The following NARS2 variants were observed in gnomAD, a reference collection of about 807,000 sequenced individuals.
NARS2 encodes the protein asparaginyl-tRNA synthetase.
In NARS2, 60 loss-of-function variants were observed where a neutral mutation model predicts 62.9. That is an observed-to-expected ratio of 0.95 (90% CI 0.77 to 1.18). NARS2 has a LOEUF of 1.18. Ranked by LOEUF, NARS2 falls within the 50% of genes most tolerant of loss-of-function variation. The probability of loss-of-function intolerance (pLI) is 0.00; values close to 1 mark genes in which losing one functional copy is unlikely to be tolerated. For missense variants in NARS2, 619 were observed against 576.4 expected (o/e 1.07, Z -0.76); for synonymous variants, 196 against 200.0 (o/e 0.98, Z 0.17).
intron 7 of NARS2, among the ~76,000 whole-genome samples, chr11:78,487,354 T>TAA (rs764364438): frequency 2.5e-4 from 23 of 92,376 alleles, no homozygotes; most frequent in South Asian, 2.0e-3. Flanking sequence ...AGGCTCTGTC[T>TAA]AAAAAAAAAA....
intron 5 of NARS2, among the ~76,000 whole-genome samples, chr11:78,539,214 G>A (rs1855515615): frequency 1.3e-5 from 2 of 151,712 alleles, no homozygotes; most frequent in African/African-American, 4.9e-5. Flanking sequence ...AAGAGTAGAA[G>A]TAGGGGCACC....
At chr11:78,455,116 T>C (rs1391205274) in intron 11 of NARS2, among the ~76,000 whole-genome samples, 1 of 152,176 alleles carries the variant, frequency 6.6e-6, no homozygotes, top group Non-Finnish European at 1.5e-5. Flanking sequence ...ATTCTATATG[T>C]CAGGTTAATT....
chr11:78,492,841 T>C (rs1816175787), intron 7 of NARS2, among the ~76,000 whole-genome samples: 2 of 152,190 alleles, frequency 1.3e-5, no homozygotes, highest in African/African-American at 4.8e-5. Context: ...GTCAGGGAAC[T>C]TCATAGCAAA....
intron 6 of NARS2, among the ~76,000 whole-genome samples, chr11:78,521,737 C>T (rs552134596): frequency 3.3e-4 from 47 of 142,210 alleles, no homozygotes; most frequent in Non-Finnish European, 6.6e-4. Context: ...TTGCAGTGAG[C>T]CGAGATCCCG....
At chr11:78,456,808 T>C (rs1344488023) in intron 11 of NARS2, among the ~76,000 whole-genome samples, 1 of 152,256 alleles carries the variant, frequency 6.6e-6, no homozygotes, top group African/African-American at 2.4e-5. Context: ...ATCTGCCACC[T>C]GGCTTTGAGG....
intron 9 of NARS2, among the ~76,000 whole-genome samples, chr11:78,476,156 C>G (rs1859086076): frequency 6.6e-6 from 1 of 152,204 alleles, no homozygotes; most frequent in Admixed American, 6.5e-5. Context: ...CTGCAGCAAC[C>G]AGCTAGGCTT....
intron 5 of NARS2, chr11:78,555,147 G>A (rs1203692709): frequency 6.6e-6 from 1 of 152,130 alleles, no homozygotes; most frequent in Non-Finnish European, 1.5e-5. Context: ...TTTTGTTGAG[G>A]ATTTCTGCAT....
chr11:78,454,524 G>A (rs1340622562), intron 11 of NARS2, among the ~76,000 whole-genome samples: 2 of 151,964 alleles, frequency 1.3e-5, no homozygotes, highest in Admixed American at 6.6e-5. Flanking sequence ...AGCTTCCTGA[G>A]GCCACACCAG....
intron 9 of NARS2, among the ~76,000 whole-genome samples, chr11:78,473,477 A>G (rs972611366): frequency 6.6e-6 from 1 of 152,176 alleles, no homozygotes; most frequent in Non-Finnish European, 1.5e-5. Context: ...TGTTTTGAGA[A>G]TATCATGCCA....
Position 78,441,083 on chromosome 11 carries a change from A to T in NARS2, c.1289+8T>A. 1 of 1,612,052 alleles carries T rather than the reference A, an allele frequency of 6.2e-7. No homozygotes were observed. Among genetic ancestry groups the T allele is most frequent in the South Asian group, 1.1e-5 (1 of 90,872 alleles). Reference sequence around the variant, plus strand: ...TAGAGTAAGAATTATTAGGGGCCACATTCTTACCATTGGTAGACTTCTGTA... The same window carrying T: ...TAGAGTAAGAATTATTAGGGGCCACTTTCTTACCATTGGTAGACTTCTGTA... On this transcript the variant is annotated splice_region_variant and intron_variant, in intron 13 of 13. Coordinates refer to ENST00000281038, the MANE Select transcript of NARS2 (RefSeq NM_024678.6).
intron 6 of NARS2, among the ~76,000 whole-genome samples, chr11:78,504,747 G>A (rs1244819474): frequency 6.6e-6 from 1 of 151,954 alleles, no homozygotes; most frequent in Non-Finnish European, 1.5e-5. Flanking sequence ...CTATTAAGTG[G>A]TTCCCTAAAA....
chr11:78,512,833 A>G (rs113270324), intron 6 of NARS2, among the ~76,000 whole-genome samples: 14 of 152,310 alleles, frequency 9.2e-5, no homozygotes, highest in African/African-American at 3.4e-4. Flanking sequence ...TATGGGATAC[A>G]TAAGATATTG....
intron 5 of NARS2, among the ~76,000 whole-genome samples, chr11:78,542,947 C>T (rs960736339): frequency 5.3e-5 from 8 of 152,270 alleles, no homozygotes; most frequent in African/African-American, 1.9e-4. Flanking sequence ...GCAGTTGCTG[C>T]AAGGAGGAAG....
chr11:78,572,433 A>G (rs2135549792), intron 1 of NARS2, among the ~76,000 whole-genome samples: 1 of 152,306 alleles, frequency 6.6e-6, no homozygotes, highest in Non-Finnish European at 1.5e-5. Flanking sequence ...TAGAGTTGAG[A>G]TTCAAAAGGA....
intron 6 of NARS2, among the ~76,000 whole-genome samples, chr11:78,494,636 G>C (rs1056469378): frequency 6.6e-6 from 1 of 151,990 alleles, no homozygotes; most frequent in Non-Finnish European, 1.5e-5. Flanking sequence ...CTAAGACCAT[G>C]ATCTGCTAAC....
At chr11:78,459,505 G>T (rs898820316) in intron 11 of NARS2, among the ~76,000 whole-genome samples, 1 of 151,776 alleles carries the variant, frequency 6.6e-6, no homozygotes, top group Non-Finnish European at 1.5e-5. Context: ...CCCTGCCTCA[G>T]GTGATCCACC....
At chr11:78,526,437 T>TACA (rs900148084) in intron 6 of NARS2, among the ~76,000 whole-genome samples, 14 of 152,134 alleles carry the variant, frequency 9.2e-5, no homozygotes, top group African/African-American at 2.9e-4. Flanking sequence ...TTTTGCCTTT[T>TACA]ACAAAGTCTG....
chr11:78,466,041 A>G, intron 10 of NARS2, 28 bp from the exon 11 acceptor site: 1 of 1,559,814 alleles, frequency 6.4e-7, no homozygotes, highest in Non-Finnish European at 8.6e-7. Flanking sequence ...AAATGACCAA[A>G]AGAGGAGACA....
chr11:78,522,085 T>C (rs1861149811), intron 6 of NARS2, among the ~76,000 whole-genome samples: 2 of 151,940 alleles, frequency 1.3e-5, no homozygotes, highest in South Asian at 4.1e-4. Context: ...CGCAAGTAGT[T>C]TGGAATACTG....
Sources: gnomAD v4.1 joint callset for allele counts (sites outside exome capture counted in the v4.1 genomes callset) on GRCh38, gnomAD v4.1.1 for gene constraint, MANE v1.5 for transcripts, NCBI Gene and HGNC (gene_info 2026-07-23, HGNC 2026-07-21) for gene names.